CRYAB: variants seen among roughly 807,000 people sequenced by gnomAD.
CRYAB encodes alpha-crystallin B chain.
Under a neutral mutation model 12.7 loss-of-function variants are expected in CRYAB, and 9 were observed. The observed-to-expected ratio is 0.71, with a 90% CI of 0.43 to 1.24. The LOEUF is 1.24. Ranked by LOEUF, CRYAB falls within the 50% of genes most tolerant of loss-of-function variation. The probability of loss-of-function intolerance (pLI) is 0.00; values close to 1 mark genes in which losing one functional copy is unlikely to be tolerated. For missense variants in CRYAB, 183 were observed against 226.6 expected (o/e 0.81, Z 1.24); for synonymous variants, 93 against 86.8 (o/e 1.07, Z -0.40).
chr11:111,912,672 C>G, upstream of CRYAB: 1 of 548,248 alleles, frequency 1.8e-6, no homozygotes, highest in Non-Finnish European at 3.3e-6. Context: ...GGCCCCCACT[C>G]CCAGCCCCTC....
chr11:111,919,294 G>T, intron 1 of CRYAB: 1 of 374,666 alleles, frequency 2.7e-6, no homozygotes, highest in Non-Finnish European at 5.0e-6. Flanking sequence ...CCAACATGGT[G>T]AAACCCCGTC....
chr11:111,920,500 T>C (rs1321849287), intron 1 of CRYAB, among the ~76,000 whole-genome samples: 2 of 151,342 alleles, frequency 1.3e-5, no homozygotes, highest in African/African-American at 4.9e-5. Flanking sequence ...ATTGCGCCAC[T>C]GCAGTCCAGA....
At chr11:111,916,241 T>A (rs587639358), upstream of CRYAB, among the ~76,000 whole-genome samples, 19 of 152,182 alleles carry the variant, frequency 1.2e-4, no homozygotes, top group East Asian at 3.7e-3. Flanking sequence ...TTCTTTTTTT[T>A]TTTTTTAAGA....
chr11:111,909,394 AAT>A lies in CRYAB; in HGVS notation c.325-429_325-428del, dbSNP rs368320352. 85 of 355,184 alleles carry A rather than the reference AAT, an allele frequency of 2.4e-4. 1 individual carries two copies. The highest frequency in any genetic ancestry group is 1.3e-3 in the African/African-American group (60 of 46,464). The allele number at this position is 355,184 out of a possible 1,614,324, so 22.0% of individuals were successfully genotyped here. A position where few individuals can be genotyped will look rare whatever the true frequency, so the allele number is the denominator to read the frequency against. ...GCTGCTGAAATTAAAAAAAAAAAAA[AAT>A]GACTCCATCCAAGGAGACTATGACC... On this transcript the variant is annotated intron_variant, in intron 2 of 2. Coordinates refer to ENST00000650687, the MANE Select transcript of CRYAB (RefSeq NM_001289808.2).
chr11:111,914,754 G>A (rs1409259485), upstream of CRYAB, among the ~76,000 whole-genome samples: 2 of 152,118 alleles, frequency 1.3e-5, no homozygotes, highest in African/African-American at 4.8e-5. Flanking sequence ...TTAGGCTGTG[G>A]TAGATACCTA....
upstream of CRYAB, chr11:111,912,924 G>C: frequency 6.3e-7 from 1 of 1,597,334 alleles, no homozygotes; most frequent in East Asian, 2.3e-5. Flanking sequence ...TTCGGAGAAG[G>C]TATGGCACAG....
chr11:111,912,554 A>G, upstream of CRYAB: 1 of 502,966 alleles, frequency 2.0e-6, no homozygotes, highest in South Asian at 2.4e-5. Context: ...GTTCCCAGCC[A>G]GGACCCTCAG....
At chr11:111,918,711 A>G (rs1295540186) in intron 1 of CRYAB, 2 of 684,464 alleles carry the variant, frequency 2.9e-6, no homozygotes, top group Non-Finnish European at 5.4e-6. Context: ...GCTCAAGTTC[A>G]TGGCTTCATC....
At chr11:111,919,246 C>T (rs1279844941) in intron 1 of CRYAB, 2 of 517,192 alleles carry the variant, frequency 3.9e-6, no homozygotes, top group East Asian at 6.5e-5. Context: ...AGGCCGAGGC[C>T]GGCGGATCAC....
In CRYAB at chr11:111,908,639, A is replaced by G; in HGVS notation, c.*125T>C. The G allele has an allele frequency of 1.2e-6, 1 of 849,072 alleles. No individual in the cohort carries two copies. Among genetic ancestry groups the G allele is most frequent in the Non-Finnish European group, 1.9e-6 (1 of 514,146 alleles). 52.6% of individuals were successfully genotyped at this position (849,072 alleles called of 1,614,324 possible). On this transcript the variant is annotated 3_prime_UTR_variant, in exon 3 of 3. Transcript: ENST00000650687. ...AGACAGTTATCTGTTGCTGAATGAT[A>G]TTTTATTAGCTTGATAATTTGGGCC...
At chr11:111,916,544 A>T (rs1566419352), upstream of CRYAB, among the ~76,000 whole-genome samples, 2 of 152,192 alleles carry the variant, frequency 1.3e-5, no homozygotes. Flanking sequence ...TTTCAACCAT[A>T]TCATACAGCA....
upstream of CRYAB, among the ~76,000 whole-genome samples, chr11:111,914,600 C>T (rs1175387535): frequency 3.9e-5 from 6 of 152,222 alleles, no homozygotes; most frequent in African/African-American, 1.2e-4. Context: ...AACCCCATTA[C>T]CTTCCCATCC....
At chr11:111,909,183 C>T (rs1486496653) in intron 2 of CRYAB, 2 of 645,620 alleles carry the variant, frequency 3.1e-6, no homozygotes, top group African/African-American at 1.8e-5. Flanking sequence ...TGAAACAGTC[C>T]AACACTTCAT....
chr11:111,912,757 G>A (rs1566412409), upstream of CRYAB: 4 of 1,015,692 alleles, frequency 3.9e-6, no homozygotes, highest in Non-Finnish European at 4.1e-6. Context: ...CTGGCTCTCC[G>A]GGCAGCTGGA....
At chr11:111,912,685 C>CCCCCCCCAAG, upstream of CRYAB, 4 of 523,400 alleles carry the variant, frequency 7.6e-6, no homozygotes, top group Admixed American at 2.9e-5. Context: ...AGCCCCTCCC[C>CCCCCCCCAAG]CCCCAAGAGG....
At position 111,910,381 on chromosome 11, in the gene CRYAB, T is replaced by G. The variant is rs1185490043; in HGVS notation, c.270A>C (p.Lys90Asn). ...CAATCACATCTCCCAACACCTTAAC[T>G]TTGAGTTCCTCTGGGGAGAAGTGCT... ...DVKHFSPEELKVKVLGDVIEV... is the reference protein window; with the variant it reads ...DVKHFSPEELNVKVLGDVIEV... The change falls in exon 2 of 3, where the codon AAA becomes AAC. Residue 90 changes from lysine to asparagine, a missense_variant. By Grantham distance (94) the Lys-to-Asn change is moderately conservative. Coordinates refer to ENST00000650687, the MANE Select transcript of CRYAB (RefSeq NM_001289808.2). 6.2e-7 allele frequency: 1 copy of G among 1,614,086 alleles called. No individual in the cohort carries two copies. Among genetic ancestry groups the G allele is most frequent in the Middle Eastern group, 1.6e-4 (1 of 6,084 alleles).
At chr11:111,916,751 T>G (rs1323168227), upstream of CRYAB, among the ~76,000 whole-genome samples, 5 of 152,242 alleles carry the variant, frequency 3.3e-5, no homozygotes, top group African/African-American at 1.2e-4. Flanking sequence ...ATATGAGGTT[T>G]TCTGGCTACC....
upstream of CRYAB, among the ~76,000 whole-genome samples, chr11:111,917,737 T>A (rs1349919908): frequency 6.6e-6 from 1 of 151,592 alleles, no homozygotes; most frequent in Non-Finnish European, 1.5e-5. Context: ...TCCCAGCTAC[T>A]CGAGAGGCTG....
At chr11:111,917,897 C>T (rs1197696002), upstream of CRYAB, 1 of 152,092 alleles carries the variant, frequency 6.6e-6, no homozygotes. Flanking sequence ...CAATGCCTAA[C>T]TCTTACTGAG....
Sources: gnomAD v4.1 joint callset for allele counts (sites outside exome capture counted in the v4.1 genomes callset) on GRCh38, gnomAD v4.1.1 for gene constraint, MANE v1.5 for transcripts, NCBI Gene and HGNC (gene_info 2026-07-23, HGNC 2026-07-21) for gene names.